Variants in AUTS2 observed in about 807,000 individuals in gnomAD.
AUTS2 encodes the protein activator of transcription and developmental regulator AUTS2.
In AUTS2, 17 loss-of-function variants were observed where a neutral mutation model predicts 112.4. That is an observed-to-expected ratio of 0.15 (90% CI 0.10 to 0.23). The LOEUF is 0.23. Ranked by LOEUF, AUTS2 falls within the 10% of genes least tolerant of loss-of-function variation. The pLI is 1.00. For synonymous variants in AUTS2, 751 were observed against 702.7 expected (o/e 1.07, Z -1.09); for missense variants, 1,510 against 1,701.6 (o/e 0.89, Z 1.98).
intron 2 of AUTS2, among the ~76,000 whole-genome samples, chr7:69,915,105 C>G (rs368917246): frequency 1.3e-5 from 2 of 152,160 alleles, no homozygotes; most frequent in South Asian, 2.1e-4. Context: ...ATGGAGAGCT[C>G]TTAACAACAA....
intron 4 of AUTS2, among the ~76,000 whole-genome samples, chr7:70,211,430 A>T (rs1483299140): frequency 2.0e-5 from 3 of 151,426 alleles, no homozygotes; most frequent in Admixed American, 6.6e-5. Flanking sequence ...CGGGCGGATC[A>T]CGAGGTCAGG....
At chr7:70,601,559 T>A (rs577722048) in intron 5 of AUTS2, among the ~76,000 whole-genome samples, 1 of 152,294 alleles carries the variant, frequency 6.6e-6, no homozygotes, top group African/African-American at 2.4e-5. Flanking sequence ...AGATTCACAT[T>A]CTATTACAAT....
intron 4 of AUTS2, among the ~76,000 whole-genome samples, chr7:70,146,877 A>G (rs1216678488): frequency 1.3e-5 from 2 of 152,150 alleles, no homozygotes; most frequent in Non-Finnish European, 2.9e-5. Context: ...GATCACTCAT[A>G]ATTTCAGAAC....
intron 6 of AUTS2, among the ~76,000 whole-genome samples, chr7:70,742,674 A>G (rs1479383523): frequency 6.6e-6 from 1 of 152,180 alleles, no homozygotes; most frequent in African/African-American, 2.4e-5. Context: ...AGGCAGGAGA[A>G]TAGCTTGAAC....
intron 5 of AUTS2, among the ~76,000 whole-genome samples, chr7:70,495,788 A>G (rs867802400): frequency 2.3e-5 from 3 of 128,344 alleles, no homozygotes; most frequent in Admixed American, 7.8e-5. Flanking sequence ...TCACACACAC[A>G]CACACCCCAC....
At chr7:70,287,823 A>G (rs1043759155) in intron 4 of AUTS2, among the ~76,000 whole-genome samples, 1 of 152,096 alleles carries the variant, frequency 6.6e-6, no homozygotes, top group Non-Finnish European at 1.5e-5. Context: ...AAAAAAAAAA[A>G]AAAATTTTTT....
At position 70,550,556 on chromosome 7, in the gene AUTS2, C is replaced by A. The variant is rs548397211; in HGVS notation, c.690+114775C>A. ...CTAAGGAGGATCCTCATCAAAGAAT[C>A]TTTTTTAAAATAAGTATGTAATAAT... On this transcript the variant is annotated intron_variant, in intron 5 of 18. Transcript: ENST00000342771. Among the ~76,000 whole-genome samples, 46 of 152,186 alleles carry A rather than the reference C, an allele frequency of 3.0e-4. No individual in the cohort carries two copies. The Middle Eastern group carries it at 0.017, about 56-fold the overall frequency.
chr7:70,552,383 G>T (rs1233042318), intron 5 of AUTS2, among the ~76,000 whole-genome samples: 1 of 152,134 alleles, frequency 6.6e-6, no homozygotes, highest in Non-Finnish European at 1.5e-5. Context: ...TATACCATAT[G>T]TCTCTCCCTG....
chr7:69,728,851 T>C (rs1205060221), intron 1 of AUTS2, among the ~76,000 whole-genome samples: 1 of 152,174 alleles, frequency 6.6e-6, no homozygotes, highest in Non-Finnish European at 1.5e-5. Flanking sequence ...CTCAGTGTTA[T>C]GGAAAATCCT....
chr7:70,314,831 T>C (rs1245741449), intron 4 of AUTS2, among the ~76,000 whole-genome samples: 7 of 152,162 alleles, frequency 4.6e-5, no homozygotes, highest in Admixed American at 4.6e-4. Flanking sequence ...ACGCTTACAG[T>C]CTCCTCCATG....
At chr7:70,346,119 C>A (rs1180884927) in intron 4 of AUTS2, among the ~76,000 whole-genome samples, 1 of 152,098 alleles carries the variant, frequency 6.6e-6, no homozygotes, top group African/African-American at 2.4e-5. Context: ...ATTTATTAAG[C>A]ATTATTATGT....
chr7:69,724,812 T>G (rs1786426097), intron 1 of AUTS2, among the ~76,000 whole-genome samples: 1 of 152,214 alleles, frequency 6.6e-6, no homozygotes, highest in South Asian at 2.1e-4. Flanking sequence ...GGACCCTTAA[T>G]TGGTTGTAGA....
chr7:70,100,841 A>G (rs548647477), intron 2 of AUTS2, among the ~76,000 whole-genome samples: 1 of 152,260 alleles, frequency 6.6e-6, no homozygotes, highest in East Asian at 1.9e-4. Flanking sequence ...AAGGATAGGT[A>G]ATCACAGTAA....
intron 5 of AUTS2, among the ~76,000 whole-genome samples, chr7:70,582,143 G>A (rs1233600454): frequency 6.6e-6 from 1 of 151,508 alleles, no homozygotes; most frequent in African/African-American, 2.4e-5. Flanking sequence ...TCTTATCGAA[G>A]AAAGGAAATT....
At chr7:69,712,505 CT>C (rs1484736884) in intron 1 of AUTS2, among the ~76,000 whole-genome samples, 1 of 152,100 alleles carries the variant, frequency 6.6e-6, no homozygotes, top group Non-Finnish European at 1.5e-5. Flanking sequence ...TCCTTGGCTT[CT>C]TTCACTTAGC....
At chr7:70,001,785 A>G (rs985232328) in intron 2 of AUTS2, among the ~76,000 whole-genome samples, 4 of 145,670 alleles carry the variant, frequency 2.7e-5, no homozygotes, top group African/African-American at 7.7e-5. Flanking sequence ...ATCTCTGTTC[A>G]CTGCAACCTC....
At chr7:69,886,183 G>C (rs1041817429) in intron 1 of AUTS2, among the ~76,000 whole-genome samples, 2 of 152,188 alleles carry the variant, frequency 1.3e-5, no homozygotes, top group African/African-American at 4.8e-5. Context: ...TCAAAATTAG[G>C]TTGAGAAAGG....
intron 4 of AUTS2, among the ~76,000 whole-genome samples, chr7:70,289,762 G>A (rs1357956810): frequency 6.6e-6 from 1 of 152,140 alleles, no homozygotes; most frequent in African/African-American, 2.4e-5. Context: ...CAGTTTTTGT[G>A]TTTATGAAAG....
At chr7:70,314,707 T>C (rs1362449104) in intron 4 of AUTS2, among the ~76,000 whole-genome samples, 2 of 152,200 alleles carry the variant, frequency 1.3e-5, no homozygotes, top group African/African-American at 4.8e-5. Flanking sequence ...AAAATCACCC[T>C]CAACTTCCAT....
Sources: gnomAD v4.1 joint callset for allele counts (sites outside exome capture counted in the v4.1 genomes callset) on GRCh38, gnomAD v4.1.1 for gene constraint, MANE v1.5 for transcripts, NCBI Gene and HGNC (gene_info 2026-07-23, HGNC 2026-07-21) for gene names.